DENND2C: variants seen among roughly 807,000 people sequenced by gnomAD.
DENND2C encodes the protein DENN domain containing 2C.
A neutral mutation model predicts 112.4 loss-of-function variants in DENND2C; 72 were observed. That is an observed-to-expected ratio of 0.64 (90% CI 0.53 to 0.78). The LOEUF is 0.78. Among genes scored for constraint, DENND2C ranks in the 30% least tolerant of loss-of-function variants. The pLI is 0.00. For missense variants in DENND2C, 992 were observed against 1,113.8 expected, an observed-to-expected ratio of 0.89 and a Z score of 1.56; for synonymous variants, 329 against 381.6, an observed-to-expected ratio of 0.86 and a Z score of 1.61.
intron 16 of DENND2C, among the ~76,000 whole-genome samples, chr1:114,598,962 C>T (rs1361817066): frequency 6.6e-6 from 1 of 152,080 alleles, no homozygotes; most frequent in African/African-American, 2.4e-5. Context: ...GGATTACAGG[C>T]ATAAGCCACC....
intron 3 of DENND2C, among the ~76,000 whole-genome samples, chr1:114,634,640 A>C (rs1656595110): frequency 6.6e-6 from 1 of 152,232 alleles, no homozygotes; most frequent in Non-Finnish European, 1.5e-5. Context: ...AGTAACAAAA[A>C]GATATCTGGA....
At chr1:114,605,405 A>T (rs1318801449) in intron 10 of DENND2C, among the ~76,000 whole-genome samples, 2 of 152,218 alleles carry the variant, frequency 1.3e-5, no homozygotes, top group Non-Finnish European at 2.9e-5. Context: ...ATAAGATAAA[A>T]ATCCATTCTT....
intron 1 of DENND2C, among the ~76,000 whole-genome samples, chr1:114,660,291 A>T (rs1657457233): frequency 6.6e-6 from 1 of 152,200 alleles, no homozygotes; most frequent in African/African-American, 2.4e-5. Flanking sequence ...TTCTGTGCAT[A>T]CCAAAGCTTT....
Position 114,625,929 on chromosome 1 carries a change from T to C in DENND2C, c.56A>G (p.Lys19Arg). 6.2e-7 allele frequency: 1 copy of C among 1,614,102 alleles called. No homozygotes were observed. The highest frequency in any genetic ancestry group is 8.5e-7 in the Non-Finnish European group (1 of 1,179,988). Residue 19 changes from lysine (K) to arginine (R), a missense_variant, in exon 4 of 21, where the codon AAA becomes AGA. By Grantham distance (26) the Lys-to-Arg change is conservative. Transcript: ENST00000393274. ...TVQTLSRSHC[K>R]NIKQKISQWE... ...TTGAGAAATTTTTTGTTTGATGTTT[T>C]TGCAGTGGCTTCTTGACAGTGTCTG...
intron 1 of DENND2C, among the ~76,000 whole-genome samples, chr1:114,668,648 G>A (rs1657709107): frequency 1.3e-5 from 2 of 151,700 alleles, no homozygotes; most frequent in Admixed American, 6.6e-5. Context: ...CCCAGCAAAA[G>A]CCTACAGGTT....
chr1:114,653,316 C>T (rs142682407), intron 2 of DENND2C, among the ~76,000 whole-genome samples: 1 of 152,024 alleles, frequency 6.6e-6, no homozygotes, highest in Non-Finnish European at 1.5e-5. Flanking sequence ...ATCATGTTAC[C>T]CAGGCTGGTC....
intron 17 of DENND2C, 24 bp from the exon 18 acceptor site, chr1:114,594,602 ATTT>A: frequency 1.3e-6 from 2 of 1,587,970 alleles, no homozygotes; most frequent in Non-Finnish European, 1.7e-6. Flanking sequence ...AAAAATGGAG[ATTT>A]TTCTTTGTTT....
chr1:114,604,660 T>G (rs1168737563), intron 11 of DENND2C, among the ~76,000 whole-genome samples: 1 of 44,764 alleles, frequency 2.2e-5, no homozygotes, highest in African/African-American at 1.0e-4. Context: ...AAAATAGAAC[T>G]TTTTTTTTTT....
chr1:114,657,000 C>T (rs1212317894), intron 1 of DENND2C, among the ~76,000 whole-genome samples: 1 of 152,096 alleles, frequency 6.6e-6, no homozygotes, highest in Non-Finnish European at 1.5e-5. Flanking sequence ...ATCTGCCCAC[C>T]TTGGCCTCCC....
intron 3 of DENND2C, among the ~76,000 whole-genome samples, chr1:114,629,372 G>T (rs1656428670): frequency 6.6e-6 from 1 of 152,188 alleles, no homozygotes; most frequent in African/African-American, 2.4e-5. Context: ...CCGCCTCCCA[G>T]GTTCAAACAA....
intron 3 of DENND2C, among the ~76,000 whole-genome samples, chr1:114,635,387 C>A (rs1357507021): frequency 2.7e-5 from 4 of 149,706 alleles, no homozygotes; most frequent in Non-Finnish European, 4.5e-5. Context: ...AAACAAAAAA[C>A]TGCTTCTTTG....
chr1:114,592,750 A>T (rs1159035451), intron 18 of DENND2C, among the ~76,000 whole-genome samples: 2 of 152,018 alleles, frequency 1.3e-5, no homozygotes, highest in Non-Finnish European at 2.9e-5. Flanking sequence ...TAAATAATAA[A>T]TTTTACAATC....
rs1266281903 is a variant in DENND2C at position 114,623,041 on chromosome 1, TCTC to T, written c.999_1001del (p.Trp333_Arg334delinsTer). The T allele has an allele frequency of 6.2e-7, 1 of 1,613,516 alleles. No individual in the cohort carries two copies. The highest frequency in any genetic ancestry group is 8.5e-7 in the Non-Finnish European group (1 of 1,179,692). ...GTGGTAGCTTCCATGCTGAAGGGGA[TCTC>T]CACATAGGTAAAGGCTGCACTGGAA... On this transcript the variant is annotated stop_gained and inframe_deletion, in exon 6 of 21. Transcript: ENST00000393274. LOFTEE classifies it high-confidence loss of function.
intron 3 of DENND2C, among the ~76,000 whole-genome samples, chr1:114,640,488 G>A (rs550986162): frequency 6.6e-6 from 1 of 152,286 alleles, no homozygotes; most frequent in African/African-American, 2.4e-5. Flanking sequence ...GAATACATCA[G>A]AGTACACTGC....
chr1:114,653,582 G>C (rs1557960024), intron 2 of DENND2C, among the ~76,000 whole-genome samples: 1 of 152,012 alleles, frequency 6.6e-6, no homozygotes. Flanking sequence ...AGAGAACTTG[G>C]GGTAGGGAAA....
At chr1:114,626,715 T>C (rs1412606593) in intron 3 of DENND2C, among the ~76,000 whole-genome samples, 4 of 151,984 alleles carry the variant, frequency 2.6e-5, no homozygotes, top group Non-Finnish European at 5.9e-5. Flanking sequence ...TTTCTCCATG[T>C]TGCCCAGGCT....
chr1:114,640,714 G>A (rs189108746), intron 3 of DENND2C, among the ~76,000 whole-genome samples: 5 of 152,144 alleles, frequency 3.3e-5, no homozygotes, highest in African/African-American at 1.2e-4. Context: ...GAAACTGTTC[G>A]GAAACCCGAA....
At chr1:114,597,333 AC>A (rs747363031) in intron 16 of DENND2C, among the ~76,000 whole-genome samples, 4 of 151,762 alleles carry the variant, frequency 2.6e-5, no homozygotes, top group Non-Finnish European at 5.9e-5. Context: ...AATCCCAGCT[AC>A]CTGGGAGGCT....
chr1:114,616,855 C>A lies in DENND2C; in HGVS notation c.1324+1531G>T, dbSNP rs1048952567. On this transcript the variant is annotated intron_variant, in intron 8 of 20. Transcript: ENST00000393274. ...TGGCAACAAGAGCAAAACTCCATCT[C>A]AAAAAAAAAGACATACGTGAGACTG... Among the ~76,000 whole-genome samples the A allele has an allele frequency of 3.3e-5, 5 of 150,438 alleles. No individual in the cohort carries two copies. The South Asian group carries it at 8.4e-4, about 25-fold the overall frequency.
Sources: gnomAD v4.1 joint callset for allele counts (sites outside exome capture counted in the v4.1 genomes callset) on GRCh38, gnomAD v4.1.1 for gene constraint, MANE v1.5 for transcripts, NCBI Gene and HGNC (gene_info 2026-07-23, HGNC 2026-07-21) for gene names.